Variants in FMN2 observed in about 807,000 individuals in gnomAD.
FMN2 encodes the protein formin 2.
In FMN2, 51 loss-of-function variants were observed where a neutral mutation model predicts 142.3. The ratio of observed to expected loss-of-function variants is 0.36; its 90% confidence interval spans 0.29 to 0.45. The LOEUF (loss-of-function observed/expected upper bound fraction) is 0.45, where lower values mean the gene tolerates loss of function less well. Ranked by LOEUF, FMN2 falls within the 20% of genes least tolerant of loss-of-function variation. The probability of loss-of-function intolerance (pLI) is 1.00; values close to 1 mark genes in which losing one functional copy is unlikely to be tolerated. For missense variants in FMN2, 1,936 were observed against 2,122.8 expected, an observed-to-expected ratio of 0.91 and a Z score of 1.73; for synonymous variants, 882 against 869.8, an observed-to-expected ratio of 1.01 and a Z score of -0.25.
intron 6 of FMN2, among the ~76,000 whole-genome samples, chr1:240,253,627 AATT>A (rs1459933661): frequency 2.0e-5 from 3 of 151,908 alleles, no homozygotes; most frequent in Non-Finnish European, 4.4e-5. Context: ...GTTGCTGGAG[AATT>A]ATTATGTTCA....
chr1:240,127,453 C>T (rs184796871), intron 2 of FMN2, among the ~76,000 whole-genome samples: 2 of 151,604 alleles, frequency 1.3e-5, no homozygotes, highest in Middle Eastern at 3.4e-3. Context: ...TGTGGATCAC[C>T]TGGCCTGGTC....
intron 17 of FMN2, among the ~76,000 whole-genome samples, chr1:240,472,957 A>AT (rs1284261935): frequency 6.6e-6 from 1 of 151,908 alleles, no homozygotes; most frequent in East Asian, 1.9e-4. Flanking sequence ...AAAAAAAAAA[A>AT]AAAAATTAAG....
intron 6 of FMN2, among the ~76,000 whole-genome samples, chr1:240,234,649 C>T (rs1667638337): frequency 6.6e-6 from 1 of 152,096 alleles, no homozygotes; most frequent in African/African-American, 2.4e-5. Flanking sequence ...CCACCAACCC[C>T]CCCACTACAA....
chr1:240,457,505 A>G (rs377490704), intron 16 of FMN2: 6 of 152,230 alleles, frequency 3.9e-5, no homozygotes, highest in South Asian at 2.1e-4. Flanking sequence ...TGGAGCTTAC[A>G]TTATAGAAGG....
At position 240,122,062 on chromosome 1, in the gene FMN2, A is replaced by AAATTAATT. The variant is rs138503789; in HGVS notation, c.1616-1108_1616-1101dup. On this transcript the variant is annotated intron_variant, in intron 1 of 17. Coordinates refer to ENST00000319653, the MANE Select transcript of FMN2 (RefSeq NM_020066.5). Reference sequence around the variant, plus strand: ...CAAGCGGTTTAGCCTTTTGGATCCAAAATTAATTAATTAATTTATTTATTT... The same window carrying AAATTAATT: ...CAAGCGGTTTAGCCTTTTGGATCCAAAATTAATTAATTAATTAATTAATTTATTTATTT... 1.1e-3 allele frequency among the ~76,000 whole-genome samples: 109 copies of AAATTAATT among 97,218 alleles called. 1 individual carries two copies. The highest frequency in any genetic ancestry group is 3.1e-3 in the African/African-American group (97 of 31,602). 63.8% of individuals were successfully genotyped at this position (97,218 alleles called of 152,430 possible). A position where few individuals can be genotyped will look rare whatever the true frequency, so the allele number is the denominator to read the frequency against.
chr1:240,112,381 C>T (rs1305032825), intron 1 of FMN2, among the ~76,000 whole-genome samples: 2 of 152,008 alleles, frequency 1.3e-5, no homozygotes, highest in African/African-American at 4.8e-5. Flanking sequence ...CTGCCTGCCT[C>T]GGCCTCCCAA....
At chr1:240,470,028 G>A (rs1676756635) in intron 16 of FMN2, among the ~76,000 whole-genome samples, 1 of 152,060 alleles carries the variant, frequency 6.6e-6, no homozygotes, top group Admixed American at 6.6e-5. Flanking sequence ...ATTAGACTCG[G>A]TTTCCTGTGA....
At chr1:240,150,851 T>C (rs958023212) in intron 2 of FMN2, among the ~76,000 whole-genome samples, 2 of 152,184 alleles carry the variant, frequency 1.3e-5, no homozygotes, top group Admixed American at 1.3e-4. Flanking sequence ...GCTGTGTCTA[T>C]TATGCAGAAG....
At chr1:240,112,559 T>C (rs891173328) in intron 1 of FMN2, among the ~76,000 whole-genome samples, 13 of 152,218 alleles carry the variant, frequency 8.5e-5, no homozygotes, top group African/African-American at 3.1e-4. Flanking sequence ...CAAGAAACTT[T>C]GCCCGTCTCC....
intron 14 of FMN2, among the ~76,000 whole-genome samples, chr1:240,359,076 G>T (rs1009160317): frequency 1.3e-5 from 2 of 152,124 alleles, no homozygotes; most frequent in African/African-American, 4.8e-5. Context: ...AGTGAGCCGA[G>T]ATTGTGCCAC....
chr1:240,378,326 T>G (rs1187446678), intron 14 of FMN2, among the ~76,000 whole-genome samples: 1 of 151,934 alleles, frequency 6.6e-6, no homozygotes, highest in African/African-American at 2.4e-5. Flanking sequence ...AATTTTTGTA[T>G]TTTTAGTAGA....
intron 8 of FMN2, among the ~76,000 whole-genome samples, chr1:240,306,596 G>A (rs1420759887): frequency 6.6e-6 from 1 of 152,172 alleles, no homozygotes; most frequent in African/African-American, 2.4e-5. Context: ...TTTTCATGGT[G>A]TTGTAGCATT....
Position 240,207,125 on chromosome 1 carries a change from T to A in FMN2, c.2313T>A (p.Pro771=). The A allele has an allele frequency of 6.2e-7, 1 of 1,614,102 alleles. No homozygotes were observed. Among genetic ancestry groups the A allele is most frequent in the Non-Finnish European group, 8.5e-7 (1 of 1,179,978 alleles). ...TGCCAGGGCGTCCTCCATGCCCCCC[T>A]GGGGCTGAAAGTGGACCTCAGACAA... ...DGLPGRPPCP[P]GAESGPQTKF... The change falls in exon 5 of 18, where the codon CCT becomes CCA. Residue 771 remains proline (P), a synonymous_variant. Coordinates refer to ENST00000319653, the MANE Select transcript of FMN2 (RefSeq NM_020066.5).
intron 14 of FMN2, among the ~76,000 whole-genome samples, chr1:240,361,141 G>A (rs201039329): frequency 0.033 from 1,407 of 42,640 alleles, 20 homozygotes; most frequent in African/African-American, 0.14. Flanking sequence ...AAATATATGT[G>A]TATATATATA....
chr1:240,196,882 A>C (rs1375240407), intron 4 of FMN2, among the ~76,000 whole-genome samples: 1 of 152,222 alleles, frequency 6.6e-6, no homozygotes, highest in East Asian at 1.9e-4. Context: ...TAGGTAAACT[A>C]CAGGACAGGC....
chr1:240,187,139 G>A (rs1238691259), intron 3 of FMN2, among the ~76,000 whole-genome samples: 8 of 150,182 alleles, frequency 5.3e-5, no homozygotes, highest in Non-Finnish European at 8.9e-5. Flanking sequence ...GTGTGGTGGC[G>A]GGTGCCTATA....
intron 1 of FMN2, among the ~76,000 whole-genome samples, chr1:240,101,028 G>A (rs1661392145): frequency 6.6e-6 from 1 of 152,176 alleles, no homozygotes; most frequent in Non-Finnish European, 1.5e-5. Flanking sequence ...TTTTAGGTAC[G>A]CAGGAGGGGA....
chr1:240,432,285 G>T (rs182806005), intron 15 of FMN2, among the ~76,000 whole-genome samples: 2 of 152,016 alleles, frequency 1.3e-5, no homozygotes, highest in East Asian at 3.9e-4. Context: ...AAATCTACAG[G>T]CATAAAATTG....
chr1:240,449,465 T>C (rs1243569237), intron 16 of FMN2, among the ~76,000 whole-genome samples: 1 of 152,186 alleles, frequency 6.6e-6, no homozygotes, highest in Non-Finnish European at 1.5e-5. Flanking sequence ...AACTTTTGTT[T>C]AAGGCAGACA....
Sources: allele counts gnomAD v4.1 joint callset (sites outside exome capture counted in the v4.1 genomes callset), GRCh38; gene constraint gnomAD v4.1.1; transcripts MANE v1.5; gene names NCBI Gene and HGNC (gene_info 2026-07-23, HGNC 2026-07-21).